Variants in CALN1 observed in about 807,000 individuals in gnomAD.
The protein encoded by CALN1 is calneuron 1, also known as calcium-binding protein 8.
A neutral mutation model predicts 30.6 loss-of-function variants in CALN1; 17 were observed. The observed-to-expected ratio is 0.56, with a 90% CI of 0.38 to 0.83. The LOEUF (loss-of-function observed/expected upper bound fraction) is 0.83, where lower values mean the gene tolerates loss of function less well. Ranked by LOEUF, CALN1 falls within the 40% of genes least tolerant of loss-of-function variation. CALN1 has a pLI of 0.00. For missense variants in CALN1, 291 were observed against 354.9 expected (o/e 0.82, Z 1.45); for synonymous variants, 156 against 131.4 (o/e 1.19, Z -1.28).
chr7:71,936,996 G>A (rs1417019131), intron 5 of CALN1, among the ~76,000 whole-genome samples: 4 of 152,136 alleles, frequency 2.6e-5, no homozygotes, highest in Non-Finnish European at 5.9e-5. Flanking sequence ...CCAGCCATGT[G>A]GAACTGTAAG....
In CALN1 at chr7:71,958,689, C is replaced by T. The variant is rs145924413; in HGVS notation, c.501+64968G>A. 3.0e-4 allele frequency among the ~76,000 whole-genome samples: 46 copies of T among 152,310 alleles called. No individual in the cohort carries two copies. In the East Asian group the frequency reaches 6.8e-3, roughly 22 times the overall value. On this transcript the variant is annotated intron_variant, in intron 5 of 6. Transcript: ENST00000395275. ...TCCAAGAAAGAACAGGACACACTTCCGGACAACTTGCGTTGCCATCCTTCA... is the reference window on the plus strand; with the variant it reads ...TCCAAGAAAGAACAGGACACACTTCTGGACAACTTGCGTTGCCATCCTTCA...
At chr7:72,327,285 G>C (rs566758374) in intron 2 of CALN1, among the ~76,000 whole-genome samples, 142 of 152,328 alleles carry the variant, frequency 9.3e-4, no homozygotes, top group African/African-American at 3.2e-3. Context: ...CTTGAGGTCA[G>C]GAGTTTGACA....
intron 3 of CALN1, among the ~76,000 whole-genome samples, chr7:72,125,417 A>C (rs148436193): frequency 6.6e-6 from 1 of 152,324 alleles, no homozygotes; most frequent in Admixed American, 6.5e-5. Flanking sequence ...GCAGTGAACA[A>C]AGCAAGGATC....
At chr7:72,458,878 ATTTG>A in the CALN1 span, among the ~76,000 whole-genome samples, 1 of 139,600 alleles carries the variant, frequency 7.2e-6, no homozygotes, top group Non-Finnish European at 1.5e-5. Context: ...TCATATATAT[ATTTG>A]TTTGTTTTGG....
chr7:72,034,090 A>G (rs1331146386), intron 4 of CALN1, among the ~76,000 whole-genome samples: 3 of 152,158 alleles, frequency 2.0e-5, no homozygotes, highest in Non-Finnish European at 2.9e-5. Flanking sequence ...GCGGTGGCTC[A>G]CGCCTGTAAT....
intron 4 of CALN1, chr7:72,103,079 A>T (rs1373820649): frequency 2.0e-5 from 3 of 148,578 alleles, no homozygotes; most frequent in African/African-American, 7.8e-5. Flanking sequence ...CAAAAAAAAA[A>T]AAAAAAAAAA....
chr7:71,841,184 A>G (rs1184580933), intron 5 of CALN1, among the ~76,000 whole-genome samples: 3 of 152,194 alleles, frequency 2.0e-5, no homozygotes, highest in African/African-American at 4.8e-5. Context: ...AAGTGTAACA[A>G]GGGTAGCTGT....
chr7:72,273,150 T>G (rs548990584), intron 3 of CALN1, among the ~76,000 whole-genome samples: 2 of 151,946 alleles, frequency 1.3e-5, no homozygotes, highest in South Asian at 4.2e-4. Flanking sequence ...TAAAAAGGCT[T>G]AGGCCAGGCA....
At chr7:72,329,971 A>G (rs1372442305) in intron 2 of CALN1, among the ~76,000 whole-genome samples, 1 of 150,680 alleles carries the variant, frequency 6.6e-6, no homozygotes, top group Non-Finnish European at 1.5e-5. Flanking sequence ...AAATAAATAT[A>G]AATACATAAA....
chr7:72,079,768 T>C (rs953546684), intron 4 of CALN1, among the ~76,000 whole-genome samples: 6 of 90,780 alleles, frequency 6.6e-5, no homozygotes, highest in Admixed American at 1.2e-4. Context: ...TTCCTTTTTT[T>C]TTTTTTTTTT....
chr7:72,309,552 T>C (rs954503410), intron 2 of CALN1, among the ~76,000 whole-genome samples: 6 of 151,944 alleles, frequency 3.9e-5, no homozygotes, highest in African/African-American at 1.2e-4. Flanking sequence ...AACGGCAACA[T>C]GCGTGACCAA....
chr7:71,998,574 C>CTTTT (rs61218281), intron 5 of CALN1, among the ~76,000 whole-genome samples: 202 of 142,774 alleles, frequency 1.4e-3, no homozygotes, highest in African/African-American at 4.4e-3. Context: ...AACAGATATA[C>CTTTT]TTTTTTTTTT....
chr7:72,158,740 G>A (rs1787896563), intron 3 of CALN1, among the ~76,000 whole-genome samples: 1 of 152,286 alleles, frequency 6.6e-6, no homozygotes, highest in Non-Finnish European at 1.5e-5. Flanking sequence ...GGCATTAAGG[G>A]TAGTGGAGCG....
At chr7:72,290,069 G>A (rs1798369522) in intron 2 of CALN1, among the ~76,000 whole-genome samples, 1 of 89,448 alleles carries the variant, frequency 1.1e-5, no homozygotes, top group Non-Finnish European at 2.0e-5. Flanking sequence ...CAGAGAACGA[G>A]ACCCTGTCTT....
intron 5 of CALN1, among the ~76,000 whole-genome samples, chr7:71,826,568 C>G (rs1435554968): frequency 6.6e-6 from 1 of 152,138 alleles, no homozygotes; most frequent in African/African-American, 2.4e-5. Flanking sequence ...GCCTCTTGTA[C>G]CAGCATTCCT....
chr7:71,992,861 T>G (rs1799027824), intron 5 of CALN1, among the ~76,000 whole-genome samples: 1 of 152,188 alleles, frequency 6.6e-6, no homozygotes, highest in Admixed American at 6.5e-5. Flanking sequence ...TCTAAGCCAA[T>G]CACGATCACT....
chr7:72,429,666 A>G lies in CALN1; in HGVS notation c.-226+17376T>C, dbSNP rs1300791323. Among the ~76,000 whole-genome samples the G allele has an allele frequency of 2.7e-5, 4 of 149,920 alleles. No homozygotes were observed. In the East Asian group the frequency reaches 7.8e-4, roughly 29 times the overall value. On this transcript the variant is annotated intron_variant, in intron 1 of 6. Transcript: ENST00000395276. ...AACTTCTCACATTCTTCATGATTTAACTCCCTTAGAATATCTCTATATATA... is the reference window on the plus strand; with the variant it reads ...AACTTCTCACATTCTTCATGATTTAGCTCCCTTAGAATATCTCTATATATA...
chr7:71,901,387 C>T (rs1396575588), intron 5 of CALN1, among the ~76,000 whole-genome samples: 1 of 133,224 alleles, frequency 7.5e-6, no homozygotes, highest in Non-Finnish European at 1.6e-5. Flanking sequence ...TCATTTTTCA[C>T]AGAATTAATA....
chr7:72,454,517 A>G, the CALN1 span, among the ~76,000 whole-genome samples: 2 of 152,224 alleles, frequency 1.3e-5, no homozygotes, highest in African/African-American at 4.8e-5. Context: ...AGACCCTGCC[A>G]CTAATCCAGG....
Sources: gnomAD v4.1 joint callset for allele counts (sites outside exome capture counted in the v4.1 genomes callset) on GRCh38, gnomAD v4.1.1 for gene constraint, MANE v1.5 for transcripts, NCBI Gene and HGNC (gene_info 2026-07-23, HGNC 2026-07-21) for gene names.